SHF: variants seen among roughly 807,000 people sequenced by gnomAD.
SHF encodes Src homology 2 domain containing F.
Under a neutral mutation model 42.4 loss-of-function variants are expected in SHF, and 30 were observed. The observed-to-expected ratio is 0.71, with a 90% CI of 0.53 to 0.96. The LOEUF is 0.96. SHF is among the 40% of genes least tolerant of loss of function. The pLI, the probability that SHF is intolerant of heterozygous loss-of-function variation, is 0.00. For missense variants in SHF, 598 were observed against 634.0 expected, an observed-to-expected ratio of 0.94 and a Z score of 0.61; for synonymous variants, 264 against 269.9, an observed-to-expected ratio of 0.98 and a Z score of 0.21.
intron 1 of SHF, among the ~76,000 whole-genome samples, chr15:45,199,392 G>A (rs1307429182): frequency 1.3e-5 from 2 of 152,184 alleles, no homozygotes; most frequent in African/African-American, 4.8e-5. Flanking sequence ...GTGGCTATTT[G>A]CTAAAACTCA....
upstream of SHF, among the ~76,000 whole-genome samples, chr15:45,190,706 C>T (rs1024150726): frequency 1.3e-5 from 2 of 151,620 alleles, no homozygotes; most frequent in East Asian, 1.9e-4. Context: ...GACAGGAGGT[C>T]GGCATTAGCT....
At chr15:45,169,064 T>C (rs567249218) in intron 6 of SHF, among the ~76,000 whole-genome samples, 2 of 152,290 alleles carry the variant, frequency 1.3e-5, no homozygotes, top group South Asian at 4.1e-4. Flanking sequence ...TGGGGAGCCC[T>C]GAAGCCTAAG....
Position 45,182,064 on chromosome 15 carries a change from C to T in SHF, c.499-3758G>A, listed in dbSNP as rs539989618. On this transcript the variant is annotated intron_variant, in intron 1 of 6. Transcript: ENST00000690270. Reference sequence around the variant, plus strand: ...TTGGGCATTACCCCTCCCAGAGCAGCTGTCATACTTTGAATCTCCTTCCTG... The same window carrying T: ...TTGGGCATTACCCCTCCCAGAGCAGTTGTCATACTTTGAATCTCCTTCCTG... Among the ~76,000 whole-genome samples the T allele has an allele frequency of 4.6e-5, 7 of 152,310 alleles. No individual in the cohort carries two copies. The South Asian group carries it at 1.4e-3, about 32-fold the overall frequency.
At chr15:45,192,856 T>A (rs1256310777), upstream of SHF, among the ~76,000 whole-genome samples, 1 of 152,238 alleles carries the variant, frequency 6.6e-6, no homozygotes, top group Non-Finnish European at 1.5e-5. Context: ...CCATAGTTTC[T>A]TCATGATTAG....
intron 1 of SHF, among the ~76,000 whole-genome samples, chr15:45,179,762 G>T (rs1170153208): frequency 6.6e-6 from 1 of 152,194 alleles, no homozygotes; most frequent in Non-Finnish European, 1.5e-5. Flanking sequence ...AGCATGGGGA[G>T]AGGCCACTCT....
upstream of SHF, among the ~76,000 whole-genome samples, chr15:45,191,201 G>A (rs761472401): frequency 6.6e-6 from 1 of 152,020 alleles, no homozygotes; most frequent in African/African-American, 2.4e-5. Flanking sequence ...CGTGTGATCC[G>A]CCTCACCCAA....
intron 2 of SHF, among the ~76,000 whole-genome samples, chr15:45,176,184 G>A (rs781625385): frequency 3.3e-5 from 5 of 151,908 alleles, no homozygotes; most frequent in South Asian, 2.1e-4. Flanking sequence ...TGGACCACCC[G>A]CTCCTTGAAA....
At chr15:45,194,230 A>AT (rs951766135) in intron 2 of SHF, among the ~76,000 whole-genome samples, 11 of 151,330 alleles carry the variant, frequency 7.3e-5, no homozygotes, top group East Asian at 1.9e-4. Context: ...CATGGAGTGA[A>AT]TTTTTTTTTA....
chr15:45,181,673 A>G (rs556638603), intron 1 of SHF, among the ~76,000 whole-genome samples: 1 of 152,150 alleles, frequency 6.6e-6, no homozygotes, highest in South Asian at 2.1e-4. Context: ...TCAGATCCCC[A>G]TTCACCTTGA....
At chr15:45,200,502 G>T (rs1371801107) in intron 1 of SHF, 1 of 353,874 alleles carries the variant, frequency 2.8e-6, no homozygotes, top group Non-Finnish European at 5.6e-6. Flanking sequence ...TAGGGACACA[G>T]GACCTCGGCT....
exon 2 of SHF, chr15:45,198,968 C>T (rs1277017276): frequency 2.5e-6 from 4 of 1,613,542 alleles, no homozygotes; most frequent in Non-Finnish European, 3.4e-6. Flanking sequence ...ACTCAGACTA[C>T]CCTTGGGGGA....
chr15:45,198,579 C>T (rs181519418), intron 2 of SHF: 95 of 578,422 alleles, frequency 1.6e-4, no homozygotes, highest in African/African-American at 1.5e-3. Flanking sequence ...AAATACCGAG[C>T]CCCTTGCCGT....
intron 4 of SHF, among the ~76,000 whole-genome samples, chr15:45,173,032 A>T (rs1367880545): frequency 6.6e-6 from 1 of 152,240 alleles, no homozygotes; most frequent in Non-Finnish European, 1.5e-5. Context: ...TTTAAAATAC[A>T]ACATTCAGGC....
At position 45,200,226 on chromosome 15, in the gene SHF, G is replaced by T. The variant is rs77103156; in HGVS notation, c.-47+501C>A. On this transcript the variant is annotated intron_variant, in intron 1 of 7. Coordinates refer to the SHF transcript ENST00000290894. ...GTCTGTGCTTTGTCTTCAAGAACGC[G>T]CCCAGGCTCAGAGGACCCGGAAGCC... 6.7e-3 allele frequency: 1,061 copies of T among 157,568 alleles called. 11 individuals are homozygous for T. Among genetic ancestry groups the T allele is most frequent in the African/African-American group, 0.024 (981 of 41,584 alleles). The allele number at this position is 157,568 out of a possible 1,614,324, so 9.8% of individuals were successfully genotyped here.
upstream of SHF, chr15:45,188,060 G>C: frequency 5.1e-6 from 2 of 395,246 alleles, no homozygotes; most frequent in Non-Finnish European, 7.8e-6. Flanking sequence ...GGGCGCTTCA[G>C]TAACAAGGGA....
chr15:45,187,755 C>T lies in SHF; in HGVS notation c.197G>A (p.Gly66Asp). 1.0e-6 allele frequency: 1 copy of T among 958,280 alleles called. No homozygotes were observed. 59.4% of individuals were successfully genotyped at this position (958,280 alleles called of 1,614,324 possible). The change falls in exon 1 of 7, where the codon GGC (glycine) becomes GAC (aspartate). Residue 66 changes from glycine (G) to aspartate (D), a missense_variant. Transcript: ENST00000690270. The part of the protein sequence containing the change: ...GFRGGGGGGG[G>D]SKPAPPEPDY... ...GGGCTCGGGGGGCGCCGGCTTGCTG[C>T]CCCCTCCGCCGCCGCCCCCCCCGCG...
At chr15:45,170,645 C>CTTTTT (rs146136602) in intron 6 of SHF, 115 of 221,754 alleles carry the variant, frequency 5.2e-4, no homozygotes, top group African/African-American at 1.0e-3. Flanking sequence ...TTATCTTTTT[C>CTTTTT]TTTTTTTTTT....
At chr15:45,168,698 C>T (rs1298286238) in intron 6 of SHF, among the ~76,000 whole-genome samples, 1 of 152,198 alleles carries the variant, frequency 6.6e-6, no homozygotes, top group Non-Finnish European at 1.5e-5. Context: ...TCAGCTGCCT[C>T]CTCCTGGGGA....
Position 45,187,857 on chromosome 15 carries a change from G to A in SHF, c.95C>T (p.Ala32Val), listed in dbSNP as rs1253244813. 9 of 1,095,912 alleles carry A rather than the reference G, an allele frequency of 8.2e-6. No homozygotes were observed. The Middle Eastern group carries it at 1.1e-3, about 130-fold the overall frequency. 67.9% of individuals were successfully genotyped at this position (1,095,912 alleles called of 1,614,324 possible). A position where few individuals can be genotyped will look rare whatever the true frequency, so the allele number is the denominator to read the frequency against. The change falls in exon 1 of 7, where the codon GCC (alanine) becomes GTC (valine). Residue 32 changes from alanine to valine, a missense_variant. Physicochemically the swap from Ala to Val is moderately conservative, Grantham distance 64 (BLOSUM62 0). Transcript: ENST00000690270. ...GGGPGGSRRGAGGAGAGPGGG... is the reference protein window; with the variant it reads ...GGGPGGSRRGVGGAGAGPGGG... ...TCCTGGGCCGGCTCCCGCACCCCCG[G>A]CGCCCCGGCGGGACCCCCCCGGGCC...
Sources: allele counts gnomAD v4.1 joint callset (sites outside exome capture counted in the v4.1 genomes callset), GRCh38; gene constraint gnomAD v4.1.1; transcripts MANE v1.5; gene names NCBI Gene and HGNC (gene_info 2026-07-23, HGNC 2026-07-21).